The following UMAD1 variants were observed in gnomAD, a reference collection of about 807,000 sequenced individuals.
UMAD1 encodes the protein UBAP1-MVB12-associated (UMA) domain containing 1.
UMAD1 carries 8 observed loss-of-function variants against 6.1 expected under a neutral mutation model. The observed-to-expected ratio is 1.30, with a 90% CI of 0.76 to 2.35. The LOEUF (loss-of-function observed/expected upper bound fraction) is 2.35. UMAD1 is among the 30% of genes most tolerant of loss of function. The pLI is 0.00. For synonymous variants in UMAD1, 56 were observed against 31.4 expected (o/e 1.78, Z -2.61); for missense variants, 130 against 78.4 (o/e 1.66, Z -2.49).
rs376224077 is a variant in UMAD1, at chr7:7,651,202, T to C, written c.-64+10381T>C. Among the ~76,000 whole-genome samples, 56 of 152,322 alleles carry C rather than the reference T, an allele frequency of 3.7e-4. 1 individual carries two copies. In the South Asian group the frequency reaches 7.5e-3, roughly 20 times the overall value. On this transcript the variant is annotated intron_variant, in intron 1 of 3. Transcript: ENST00000682710. ...TAAATCAATAAAAGATTTCAAAAAT[T>C]ACATAGAAACCAGAAAGGACAAGGA... is the stretch of plus-strand genomic sequence containing the variant.
intron 1 of UMAD1, among the ~76,000 whole-genome samples, chr7:7,648,287 T>A (rs1255535110): frequency 6.6e-6 from 1 of 151,718 alleles, no homozygotes; most frequent in Non-Finnish European, 1.5e-5. Flanking sequence ...TCTGCTTAAG[T>A]TTTCTCCGCT....
intron 2 of UMAD1, among the ~76,000 whole-genome samples, chr7:7,784,598 G>T (rs896584021): frequency 7.9e-5 from 12 of 151,828 alleles, no homozygotes; most frequent in African/African-American, 2.9e-4. Flanking sequence ...GCCCTCCTCG[G>T]CGTCCCAGAG....
chr7:7,872,027 G>A (rs919913427), intron 3 of UMAD1, among the ~76,000 whole-genome samples: 6 of 151,330 alleles, frequency 4.0e-5, no homozygotes, highest in African/African-American at 1.5e-4. Context: ...GCAGACCTCC[G>A]AAAGAGGAGG....
At chr7:7,815,074 A>G (rs1783098882) in intron 3 of UMAD1, among the ~76,000 whole-genome samples, 1 of 152,144 alleles carries the variant, frequency 6.6e-6, no homozygotes, top group African/African-American at 2.4e-5. Flanking sequence ...TGATATCAGT[A>G]TAGAGGATGT....
At chr7:7,643,241 G>T (rs1202363782) in intron 1 of UMAD1, among the ~76,000 whole-genome samples, 2 of 152,174 alleles carry the variant, frequency 1.3e-5, no homozygotes, top group African/African-American at 4.8e-5. Context: ...CATATTAAGA[G>T]ACAAAAATGG....
intron 2 of UMAD1, among the ~76,000 whole-genome samples, chr7:7,700,561 A>G (rs1377986019): frequency 6.6e-6 from 1 of 152,050 alleles, no homozygotes; most frequent in Non-Finnish European, 1.5e-5. Flanking sequence ...CCCCATCTCT[A>G]CAAAATAAAA....
chr7:7,737,706 AAATG>A (rs1214564633), intron 2 of UMAD1, among the ~76,000 whole-genome samples: 2 of 152,300 alleles, frequency 1.3e-5, no homozygotes, highest in African/African-American at 2.4e-5. Flanking sequence ...ACCCATCAAA[AAATG>A]ATTGTTTTTG....
chr7:7,799,189 A>G (rs1360066963), intron 2 of UMAD1, among the ~76,000 whole-genome samples: 1 of 152,240 alleles, frequency 6.6e-6, no homozygotes, highest in Non-Finnish European at 1.5e-5. Context: ...AAAAAACTTC[A>G]AAAATTGTAT....
intron 1 of UMAD1, among the ~76,000 whole-genome samples, chr7:7,671,109 A>G (rs932182967): frequency 6.6e-6 from 1 of 152,208 alleles, no homozygotes; most frequent in African/African-American, 2.4e-5. Flanking sequence ...TAAGCATTCA[A>G]TAATCATATT....
In UMAD1 at chr7:7,847,107, ATATATATATATATATATATATATATAT is replaced by A. The variant is rs1783817498; in HGVS notation, c.157-30173_157-30147del. 3.9e-3 allele frequency among the ~76,000 whole-genome samples: 19 copies of A among 4,872 alleles called. 1 individual carries two copies. Among genetic ancestry groups the A allele is most frequent in the South Asian group, 0.021 (2 of 96 alleles). 3.2% of individuals were successfully genotyped at this position (4,872 alleles called of 152,430 possible). Reference sequence around the variant, plus strand: ...CAATGCAAAAAAAAAAAAAAAAAATATATATATATATATATATATATATATATATATATATATATATATATATTTGAT... The same window carrying A: ...CAATGCAAAAAAAAAAAAAAAAAATAATATATATATATATATATATTTGAT... On this transcript the variant is annotated intron_variant, in intron 3 of 3. Transcript: ENST00000682710.
At chr7:7,852,847 A>G (rs1313132648) in intron 3 of UMAD1, among the ~76,000 whole-genome samples, 1 of 152,214 alleles carries the variant, frequency 6.6e-6, no homozygotes, top group Non-Finnish European at 1.5e-5. Flanking sequence ...CAAAATGGAT[A>G]TGATCTAATA....
intron 2 of UMAD1, chr7:7,736,419 C>G (rs1374039764): frequency 6.5e-6 from 1 of 152,998 alleles, no homozygotes; most frequent in South Asian, 2.1e-4. Context: ...TGACTCTTCA[C>G]CTGCCGAGTT....
At chr7:7,665,044 T>C (rs1487088151) in intron 1 of UMAD1, among the ~76,000 whole-genome samples, 1 of 152,188 alleles carries the variant, frequency 6.6e-6, no homozygotes, top group Non-Finnish European at 1.5e-5. Context: ...TACACATGTA[T>C]TTACATTATT....
intron 3 of UMAD1, among the ~76,000 whole-genome samples, chr7:7,860,527 G>A (rs10254215): frequency 0.031 from 4,682 of 150,198 alleles, 263 homozygotes; most frequent in African/African-American, 0.11. Context: ...TTGGGAGGCC[G>A]AGGCAGGTGG....
Position 7,846,610 on chromosome 7 carries a change from AT to A in UMAD1, c.157-30670del, listed in dbSNP as rs201470252. On this transcript the variant is annotated intron_variant, in intron 3 of 3. Coordinates refer to ENST00000682710, the MANE Select transcript of UMAD1 (RefSeq NM_001302348.2). Reference sequence around the variant, plus strand: ...TTCAAAATCATGGTAAAATTTTGATATGTTTTGATGGCTATTCCAAATACTG... The same window carrying A: ...TTCAAAATCATGGTAAAATTTTGATAGTTTTGATGGCTATTCCAAATACTG... 9.2e-3 allele frequency among the ~76,000 whole-genome samples: 1,407 copies of A among 152,192 alleles called. 27 individuals are homozygous for A. Among genetic ancestry groups the A allele is most frequent in the African/African-American group, 0.032 (1,334 of 41,530 alleles).
At chr7:7,648,522 C>T (rs544459466) in intron 1 of UMAD1, among the ~76,000 whole-genome samples, 8 of 152,136 alleles carry the variant, frequency 5.3e-5, no homozygotes, top group African/African-American at 1.9e-4. Flanking sequence ...TGTAGTGTTG[C>T]TATTACAGAA....
chr7:7,702,695 T>G (rs978029183), intron 2 of UMAD1, among the ~76,000 whole-genome samples: 4 of 152,256 alleles, frequency 2.6e-5, no homozygotes, highest in Non-Finnish European at 5.9e-5. Flanking sequence ...AATTGAATCT[T>G]ACTTTTCCAC....
At chr7:7,801,863 G>C in intron 3 of UMAD1, 120 bp downstream of exon 3, 1 of 631,926 alleles carries the variant, frequency 1.6e-6, no homozygotes, top group Non-Finnish European at 2.9e-6. Context: ...TGAATACAGG[G>C]AAACAAGTGG....
chr7:7,676,254 C>G, intron 2 of UMAD1: 1 of 398,250 alleles, frequency 2.5e-6, no homozygotes, highest in Middle Eastern at 6.3e-4. Context: ...AGGAAATGAG[C>G]ACGATATCGG....
Sources: allele counts gnomAD v4.1 joint callset (sites outside exome capture counted in the v4.1 genomes callset), GRCh38; gene constraint gnomAD v4.1.1; transcripts MANE v1.5; gene names NCBI Gene and HGNC (gene_info 2026-07-23, HGNC 2026-07-21).